Variants in SCFD2 observed in about 807,000 individuals in gnomAD.
The protein encoded by SCFD2 is sec1 family domain-containing protein 2.
A neutral mutation model predicts 58.9 loss-of-function variants in SCFD2; 54 were observed. That is an observed-to-expected ratio of 0.92 (90% CI 0.74 to 1.15). The LOEUF (loss-of-function observed/expected upper bound fraction) is 1.15, where lower values mean the gene tolerates loss of function less well. SCFD2 is among the 50% of genes most tolerant of loss of function. The probability of loss-of-function intolerance (pLI) is 0.00; values close to 1 mark genes in which losing one functional copy is unlikely to be tolerated. For missense variants in SCFD2, 805 were observed against 836.6 expected (o/e 0.96, Z 0.47); for synonymous variants, 321 against 335.9 (o/e 0.96, Z 0.49).
chr4:53,238,230 C>T (rs1368816623), intron 4 of SCFD2, among the ~76,000 whole-genome samples: 2 of 125,336 alleles, frequency 1.6e-5, no homozygotes, highest in Non-Finnish European at 3.4e-5. Context: ...GGCAGAGGGG[C>T]TCCTCACTTC....
In SCFD2 at chr4:52,903,115, A is replaced by G. The variant is rs565045096; in HGVS notation, c.1842+4342T>C. On this transcript the variant is annotated intron_variant, in intron 7 of 8. Coordinates refer to ENST00000401642, the MANE Select transcript of SCFD2 (RefSeq NM_152540.4). ...CCTTGAATTTCTCAGTCTACAAAATACACCCCTTTATTTCTGTTCTGTTCT... is the reference window on the plus strand; with the variant it reads ...CCTTGAATTTCTCAGTCTACAAAATGCACCCCTTTATTTCTGTTCTGTTCT... Among the ~76,000 whole-genome samples the G allele has an allele frequency of 1.2e-4, 18 of 152,282 alleles. 1 individual carries two copies. In the East Asian group the frequency reaches 3.3e-3, roughly 28 times the overall value.
chr4:53,238,339 C>A (rs1488296071), intron 4 of SCFD2, among the ~76,000 whole-genome samples: 3 of 2,654 alleles, frequency 1.1e-3, no homozygotes, highest in Non-Finnish European at 2.6e-3. Context: ...GACGGGGCGG[C>A]TGGCCGGGCG....
chr4:53,254,915 C>G (rs1393438832), intron 4 of SCFD2, among the ~76,000 whole-genome samples: 1 of 147,256 alleles, frequency 6.8e-6, no homozygotes, highest in African/African-American at 2.5e-5. Flanking sequence ...CTCTGTCACC[C>G]AGGCTGGAGT....
At chr4:52,940,964 T>A (rs1720277442) in intron 5 of SCFD2, among the ~76,000 whole-genome samples, 1 of 152,128 alleles carries the variant, frequency 6.6e-6, no homozygotes, top group South Asian at 2.1e-4. Flanking sequence ...CTCTGATATA[T>A]CAGCTCAGAT....
chr4:53,161,740 T>C (rs1284881730), intron 4 of SCFD2, among the ~76,000 whole-genome samples: 14 of 152,306 alleles, frequency 9.2e-5, no homozygotes, highest in Non-Finnish European at 5.9e-5. Context: ...CCACAGGGAA[T>C]TGAGAACTAT....
chr4:53,295,141 T>C (rs867937667), intron 3 of SCFD2, among the ~76,000 whole-genome samples: 2 of 152,330 alleles, frequency 1.3e-5, no homozygotes, highest in South Asian at 4.1e-4. Context: ...TGGTTCCATA[T>C]AAAATTTAAA....
intron 4 of SCFD2, among the ~76,000 whole-genome samples, chr4:53,221,809 T>G (rs936245907): frequency 6.6e-6 from 1 of 152,026 alleles, no homozygotes; most frequent in Admixed American, 6.6e-5. Context: ...AAATGAGAAA[T>G]AGGGAGATCC....
Position 52,980,214 on chromosome 4 carries a change from C to T in SCFD2, c.1562-59344G>A, listed in dbSNP as rs78437690. 3.3e-3 allele frequency among the ~76,000 whole-genome samples: 509 copies of T among 152,278 alleles called. 1 individual carries two copies. The highest frequency in any genetic ancestry group is 5.6e-3 in the Non-Finnish European group (380 of 68,024). On this transcript the variant is annotated intron_variant, in intron 5 of 8. Coordinates refer to ENST00000401642, the MANE Select transcript of SCFD2 (RefSeq NM_152540.4). Reference sequence around the variant, plus strand: ...TGATAATAATAACGGCAGTTACATGCCACATGCCATGCACAATGCTACCCA... The same window carrying T: ...TGATAATAATAACGGCAGTTACATGTCACATGCCATGCACAATGCTACCCA...
At chr4:53,342,535 A>T (rs1205682391) in intron 2 of SCFD2, among the ~76,000 whole-genome samples, 3 of 152,204 alleles carry the variant, frequency 2.0e-5, no homozygotes. Context: ...CATTGTCAAC[A>T]TTAGACAGAT....
intron 5 of SCFD2, among the ~76,000 whole-genome samples, chr4:53,002,325 A>G (rs1721880943): frequency 6.6e-6 from 1 of 152,208 alleles, no homozygotes; most frequent in Non-Finnish European, 1.5e-5. Flanking sequence ...ATGTCAGAGA[A>G]GGCAGATTTG....
At chr4:53,116,552 T>C (rs1421082763) in intron 5 of SCFD2, among the ~76,000 whole-genome samples, 1 of 152,116 alleles carries the variant, frequency 6.6e-6, no homozygotes, top group African/African-American at 2.4e-5. Flanking sequence ...CTGGAAATAT[T>C]TGGTGAACAG....
chr4:53,008,991 G>A (rs1722039107), intron 5 of SCFD2, among the ~76,000 whole-genome samples: 1 of 152,080 alleles, frequency 6.6e-6, no homozygotes, highest in African/African-American at 2.4e-5. Context: ...TGGAGATCTG[G>A]GTCTTAACAA....
At chr4:52,977,151 C>T (rs1376292903) in intron 5 of SCFD2, among the ~76,000 whole-genome samples, 1 of 152,090 alleles carries the variant, frequency 6.6e-6, no homozygotes, top group African/African-American at 2.4e-5. Flanking sequence ...GAGTTGACTC[C>T]TTGTACTGTC....
At chr4:52,953,648 G>A (rs1720650764) in intron 5 of SCFD2, among the ~76,000 whole-genome samples, 1 of 152,204 alleles carries the variant, frequency 6.6e-6, no homozygotes, top group Non-Finnish European at 1.5e-5. Flanking sequence ...AAACTGCTTT[G>A]TCAAGTGTCA....
At chr4:53,139,158 C>T (rs1299282894) in intron 5 of SCFD2, among the ~76,000 whole-genome samples, 10 of 152,208 alleles carry the variant, frequency 6.6e-5, no homozygotes, top group Non-Finnish European at 7.3e-5. Context: ...GACGGAGTCT[C>T]GCTCACTCAG....
chr4:52,970,990 G>C (rs902699155), intron 5 of SCFD2, among the ~76,000 whole-genome samples: 9 of 152,232 alleles, frequency 5.9e-5, no homozygotes, highest in African/African-American at 1.7e-4. Context: ...CAAACAGAAA[G>C]GACATCCACA....
rs1228968212 is a variant in SCFD2 at position 52,964,732 on chromosome 4, G to A, written c.1562-43862C>T. On this transcript the variant is annotated intron_variant, in intron 5 of 8. Coordinates refer to ENST00000401642, the MANE Select transcript of SCFD2 (RefSeq NM_152540.4). ...CACACATACACAAGGACTCAGAAGC[G>A]ATCCTTGAATCTTTTGGTCTCAAAC... Among the ~76,000 whole-genome samples the A allele has an allele frequency of 2.7e-5, 4 of 149,596 alleles. No individual in the cohort carries two copies. In the South Asian group the frequency reaches 6.4e-4, roughly 24 times the overall value.
intron 4 of SCFD2, among the ~76,000 whole-genome samples, chr4:53,182,588 C>T (rs1181356679): frequency 6.6e-6 from 1 of 152,166 alleles, no homozygotes; most frequent in Non-Finnish European, 1.5e-5. Context: ...AGGACATAGG[C>T]ATGGGCAAGG....
intron 4 of SCFD2, among the ~76,000 whole-genome samples, chr4:53,220,119 C>A (rs1200896217): frequency 6.6e-6 from 1 of 152,198 alleles, no homozygotes; most frequent in Non-Finnish European, 1.5e-5. Flanking sequence ...AATGCCCAAC[C>A]CTCACCATTC....
Sources: gnomAD v4.1 joint callset for allele counts (sites outside exome capture counted in the v4.1 genomes callset) on GRCh38, gnomAD v4.1.1 for gene constraint, MANE v1.5 for transcripts, NCBI Gene and HGNC (gene_info 2026-07-23, HGNC 2026-07-21) for gene names.